The following FAM53B variants were observed in gnomAD, a reference collection of about 807,000 sequenced individuals.
The protein encoded by FAM53B is family with sequence similarity 53 member B, also known as protein FAM53B.
FAM53B carries 12 observed loss-of-function variants against 32.7 expected under a neutral mutation model. The ratio of observed to expected loss-of-function variants is 0.37; its 90% CI spans 0.24 to 0.59. FAM53B has a LOEUF of 0.59. Among genes scored for constraint, FAM53B ranks in the 20% least tolerant of loss-of-function variants. The pLI is 0.72. For missense variants in FAM53B, 477 were observed against 577.7 expected (o/e 0.83, Z 1.79); for synonymous variants, 234 against 228.7 (o/e 1.02, Z -0.21).
chr10:124,713,782 C>T (rs1173258609), intron 1 of FAM53B: 1 of 152,182 alleles, frequency 6.6e-6, no homozygotes, highest in East Asian at 1.9e-4. Flanking sequence ...ATTTTACCGC[C>T]TTAAAAACAG....
At chr10:124,721,741 C>T (rs919074102) in intron 1 of FAM53B, among the ~76,000 whole-genome samples, 5 of 152,214 alleles carry the variant, frequency 3.3e-5, no homozygotes, top group Non-Finnish European at 2.9e-5. Context: ...TGTCCTCGTG[C>T]GGTTCTATCC....
At chr10:124,696,251 T>C (rs762180379) in intron 2 of FAM53B, 39 bp from the exon 3 acceptor site, 2 of 1,580,774 alleles carry the variant, frequency 1.3e-6, no homozygotes, top group Middle Eastern at 1.7e-4. Context: ...CTTCAAATCA[T>C]AGGAAGCATG....
intron 1 of FAM53B, among the ~76,000 whole-genome samples, chr10:124,716,004 T>C (rs531715398): frequency 1.3e-5 from 2 of 152,352 alleles, no homozygotes; most frequent in East Asian, 1.9e-4. Flanking sequence ...GAATATGTTT[T>C]TGAGTCCTCC....
chr10:124,692,768 T>C (rs1000245175), intron 3 of FAM53B, among the ~76,000 whole-genome samples: 4 of 149,908 alleles, frequency 2.7e-5, no homozygotes, highest in African/African-American at 7.4e-5. Flanking sequence ...CAATTTATAT[T>C]AGTTATGTGT....
At chr10:124,717,076 C>A (rs1007186800) in intron 1 of FAM53B, among the ~76,000 whole-genome samples, 2 of 152,136 alleles carry the variant, frequency 1.3e-5, no homozygotes, top group African/African-American at 4.8e-5. Context: ...AAGACCCAAA[C>A]AAAAGGCTGT....
At chr10:124,720,852 T>G (rs1386915211) in intron 1 of FAM53B, among the ~76,000 whole-genome samples, 2 of 152,206 alleles carry the variant, frequency 1.3e-5, no homozygotes, top group Non-Finnish European at 2.9e-5. Flanking sequence ...GCAGAGGGTA[T>G]TATTAAAATA....
At chr10:124,641,701 C>A (rs1023013223) in intron 4 of FAM53B, among the ~76,000 whole-genome samples, 1 of 152,188 alleles carries the variant, frequency 6.6e-6, no homozygotes, top group Admixed American at 6.5e-5. Context: ...ATCCACTGTG[C>A]CTGCAAGAGG....
chr10:124,624,105 CA>C (rs1317497825), intron 4 of FAM53B: 6 of 154,640 alleles, frequency 3.9e-5, no homozygotes, highest in Non-Finnish European at 5.7e-5. Context: ...CAATGTTTTT[CA>C]AGCAGGGACC....
At position 124,702,718 on chromosome 10, in the gene FAM53B, G is replaced by T. The variant is rs11245337; in HGVS notation, c.78+3918C>A. On this transcript the variant is annotated intron_variant, in intron 2 of 4. Coordinates refer to ENST00000337318, the MANE Select transcript of FAM53B (RefSeq NM_014661.4). ...CATGAGGCTCAAGGACAGGGAGGAGGTACCTGGACCTCTGGGCATACAGTT... is the reference window on the plus strand; with the variant it reads ...CATGAGGCTCAAGGACAGGGAGGAGTTACCTGGACCTCTGGGCATACAGTT... Among the ~76,000 whole-genome samples, 37 of 152,290 alleles carry T rather than the reference G, an allele frequency of 2.4e-4. No homozygotes were observed. In the East Asian group the frequency reaches 7.1e-3, roughly 29 times the overall value.
intron 4 of FAM53B, among the ~76,000 whole-genome samples, chr10:124,636,530 A>G (rs1949433167): frequency 6.6e-6 from 1 of 152,202 alleles, no homozygotes; most frequent in African/African-American, 2.4e-5. Flanking sequence ...AACAACAGGA[A>G]GAGGGAGATC....
chr10:124,722,106 C>T (rs1175504217), intron 1 of FAM53B, among the ~76,000 whole-genome samples: 6 of 152,068 alleles, frequency 3.9e-5, no homozygotes, highest in Admixed American at 2.0e-4. Context: ...AGAAGGAGTA[C>T]GTTCTAGTGT....
At chr10:124,687,569 A>G (rs1159372111) in intron 3 of FAM53B, among the ~76,000 whole-genome samples, 1 of 152,246 alleles carries the variant, frequency 6.6e-6, no homozygotes, top group Non-Finnish European at 1.5e-5. Context: ...GGCTTGACTC[A>G]GCCAGAGCTG....
chr10:124,665,003 T>C (rs1331013658), intron 4 of FAM53B, among the ~76,000 whole-genome samples: 1 of 152,188 alleles, frequency 6.6e-6, no homozygotes, highest in African/African-American at 2.4e-5. Flanking sequence ...TTTCCCCTCC[T>C]GGTAAGGTAG....
chr10:124,662,389 C>T (rs1354523468), intron 4 of FAM53B, among the ~76,000 whole-genome samples: 1 of 152,162 alleles, frequency 6.6e-6, no homozygotes, highest in East Asian at 1.9e-4. Flanking sequence ...GAATCCAGGC[C>T]TCCTGCCTCA....
At chr10:124,702,317 G>A (rs1024694756) in intron 2 of FAM53B, among the ~76,000 whole-genome samples, 3 of 152,210 alleles carry the variant, frequency 2.0e-5, no homozygotes, top group East Asian at 3.8e-4. Context: ...GTATTTACAC[G>A]GGGATGATGT....
intron 4 of FAM53B, chr10:124,667,204 T>C (rs1949677886): frequency 1.8e-6 from 1 of 551,926 alleles, no homozygotes; most frequent in African/African-American, 1.9e-5. Flanking sequence ...GCATTCATGA[T>C]TTACTTACAT....
chr10:124,729,209 CTT>C (rs1950125979), intron 1 of FAM53B, among the ~76,000 whole-genome samples: 1 of 152,202 alleles, frequency 6.6e-6, no homozygotes, highest in South Asian at 2.1e-4. Flanking sequence ...CAGTGAGAAA[CTT>C]AGGGCAGAGC....
intron 1 of FAM53B, among the ~76,000 whole-genome samples, chr10:124,735,850 C>G (rs1950170559): frequency 6.6e-6 from 1 of 152,256 alleles, no homozygotes; most frequent in Non-Finnish European, 1.5e-5. Context: ...GTCGCCTGCT[C>G]AAAGGCACAT....
chr10:124,637,418 G>C (rs1949440473), intron 4 of FAM53B, among the ~76,000 whole-genome samples: 1 of 152,070 alleles, frequency 6.6e-6, no homozygotes, highest in Non-Finnish European at 1.5e-5. Context: ...TTGAGCCCCG[G>C]GTGTCCCTGC....
Sources: allele counts gnomAD v4.1 joint callset (sites outside exome capture counted in the v4.1 genomes callset), GRCh38; gene constraint gnomAD v4.1.1; transcripts MANE v1.5; gene names NCBI Gene and HGNC (gene_info 2026-07-23, HGNC 2026-07-21).